Variants in CYREN observed in about 807,000 individuals in gnomAD.
The protein encoded by CYREN is cell cycle regulator of NHEJ.
A neutral mutation model predicts 9.7 loss-of-function variants in CYREN; 7 were observed. The observed-to-expected ratio is 0.72, with a 90% confidence interval of 0.41 to 1.36. The LOEUF (loss-of-function observed/expected upper bound fraction) is 1.36. Ranked by LOEUF, CYREN falls within the 40% of genes most tolerant of loss-of-function variation. The pLI is 0.01. For synonymous variants in CYREN, 76 were observed against 77.9 expected, an observed-to-expected ratio of 0.98 and a Z score of 0.13; for missense variants, 215 against 198.1, an observed-to-expected ratio of 1.09 and a Z score of -0.51.
At chr7:135,143,651 A>AT in intron 2 of CYREN, among the ~76,000 whole-genome samples, 1 of 152,248 alleles carries the variant, frequency 6.6e-6, no homozygotes, top group African/African-American at 2.4e-5. Context: ...TTAATATTGA[A>AT]TTTAAAAAAA....
chr7:135,169,072 A>C lies in CYREN; in HGVS notation c.-138-12T>G, dbSNP rs1830452148. ...TTGATCTTTGATTCCTACAAAGAACAATAAAGTCCGGTGAATTCCCATACC... is the reference window on the plus strand; with the variant it reads ...TTGATCTTTGATTCCTACAAAGAACCATAAAGTCCGGTGAATTCCCATACC... On this transcript the variant is annotated splice_polypyrimidine_tract_variant and intron_variant, in intron 1 of 3. Transcript: ENST00000393114. The C allele has an allele frequency of 1.3e-6, 1 of 755,448 alleles. No homozygotes were observed. The highest frequency in any genetic ancestry group is 2.1e-6 in the Non-Finnish European group (1 of 482,578). 46.8% of individuals were successfully genotyped at this position (755,448 alleles called of 1,614,324 possible).
chr7:135,102,750 A>C (rs1824042276), intron 2 of CYREN, among the ~76,000 whole-genome samples: 1 of 151,918 alleles, frequency 6.6e-6, no homozygotes, highest in Admixed American at 6.6e-5. Flanking sequence ...CCCTTGTCTT[A>C]CACCATAGCA....
chr7:135,104,002 T>C (rs1371852366), intron 2 of CYREN, among the ~76,000 whole-genome samples: 1 of 152,114 alleles, frequency 6.6e-6, no homozygotes, highest in Non-Finnish European at 1.5e-5. Flanking sequence ...TGTCATGGGG[T>C]TTGTACAGAT....
At chr7:135,115,652 A>T in intron 2 of CYREN, 4 of 1,404,812 alleles carry the variant, frequency 2.8e-6, no homozygotes, top group Non-Finnish European at 3.8e-6. Flanking sequence ...TATTTAACAC[A>T]TCTTTTTTAA....
At chr7:135,128,291 C>CAAAAAA (rs61217008) in intron 2 of CYREN, among the ~76,000 whole-genome samples, 4 of 58,074 alleles carry the variant, frequency 6.9e-5, no homozygotes, top group Non-Finnish European at 8.2e-5. Flanking sequence ...GACTCCATCT[C>CAAAAAA]AAAAAAAAAA....
intron 2 of CYREN, among the ~76,000 whole-genome samples, chr7:135,134,549 T>C (rs191177648): frequency 7.2e-5 from 11 of 152,136 alleles, no homozygotes; most frequent in Admixed American, 6.6e-4. Context: ...TAACTAGATA[T>C]ATAGGTAAGG....
At position 135,126,250 on chromosome 7, in the gene CYREN, A is replaced by C. The variant is rs144745207; in HGVS notation, n.357-31668T>G. On this transcript the variant is annotated intron_variant and non_coding_transcript_variant, in intron 2 of 2. Transcript: ENST00000459937. Reference sequence around the variant, plus strand: ...CACAAGCATTCCTTTACACCAACATAGATAAGCAGAGAGCCAAATCATAAA... The same window carrying C: ...CACAAGCATTCCTTTACACCAACATCGATAAGCAGAGAGCCAAATCATAAA... Among the ~76,000 whole-genome samples the C allele has an allele frequency of 4.6e-3, 707 of 152,318 alleles. 3 individuals carry two copies. The highest frequency in any genetic ancestry group is 0.016 in the African/African-American group (673 of 41,578).
chr7:135,096,231 GTGT>G (rs1370641313), intron 2 of CYREN, among the ~76,000 whole-genome samples: 7 of 152,136 alleles, frequency 4.6e-5, no homozygotes, highest in Admixed American at 2.0e-4. Context: ...CTTAATTTCA[GTGT>G]TGTGTATATT....
intron 2 of CYREN, among the ~76,000 whole-genome samples, chr7:135,105,076 T>TTG (rs983849734): frequency 6.7e-6 from 1 of 149,380 alleles, no homozygotes; most frequent in African/African-American, 2.5e-5. Flanking sequence ...TCAAGTTTTT[T>TTG]TTTTTTTTTT....
intron 2 of CYREN, 85 bp downstream of exon 2, chr7:135,168,701 T>G: frequency 6.5e-7 from 1 of 1,542,558 alleles, no homozygotes; most frequent in Non-Finnish European, 8.7e-7. Context: ...CTGTTCTGCC[T>G]AGGCTGGAAG....
chr7:135,166,696 C>A lies in CYREN; in HGVS notation c.389G>T (p.Gly130Val), dbSNP rs113063661. Residue 130 changes from glycine (G) to valine (V), a missense_variant, in exon 4 of 4, where the codon GGT becomes GTT. Coordinates refer to ENST00000393114, the MANE Select transcript of CYREN (RefSeq NM_024033.4). ...PGLSPSQRPGGSSSACSRSPE... is the reference protein window; with the variant it reads ...PGLSPSQRPGVSSSACSRSPE... ...GCTCCTGCTACAGGCAGAGCTGGAA[C>A]CCCCCGGCCTCTGGGAAGGGCTGAG... The A allele has an allele frequency of 2.2e-5, 36 of 1,612,350 alleles. 2 individuals carry two copies. The African/African-American group carries it at 3.3e-4, about 15-fold the overall frequency.
chr7:135,140,122 G>A (rs1439781097), intron 2 of CYREN, among the ~76,000 whole-genome samples: 1 of 151,848 alleles, frequency 6.6e-6, no homozygotes, highest in Non-Finnish European at 1.5e-5. Context: ...GTTTGATAAA[G>A]AATACATTGA....
intron 2 of CYREN, among the ~76,000 whole-genome samples, chr7:135,127,659 A>G (rs1399659417): frequency 2.0e-5 from 3 of 152,200 alleles, no homozygotes; most frequent in East Asian, 1.9e-4. Context: ...GCAATTACTA[A>G]TAAGTCAAGA....
At chr7:135,146,264 C>T (rs1264760632) in intron 2 of CYREN, among the ~76,000 whole-genome samples, 2 of 152,104 alleles carry the variant, frequency 1.3e-5, no homozygotes, top group Non-Finnish European at 2.9e-5. Flanking sequence ...GTTGGTGGAG[C>T]GGTCAGAACT....
intron 2 of CYREN, among the ~76,000 whole-genome samples, chr7:135,153,658 T>C (rs1244899790): frequency 6.6e-6 from 1 of 152,200 alleles, no homozygotes; most frequent in Non-Finnish European, 1.5e-5. Flanking sequence ...GATTTGCATA[T>C]GTTGAACCAT....
Position 135,165,871 on chromosome 7 carries a change from C to T in CYREN, c.*740G>A, listed in dbSNP as rs1331758243. 1.8e-5 allele frequency: 3 copies of T among 167,114 alleles called. No individual in the cohort carries two copies. In the Admixed American group the frequency reaches 2.0e-4, roughly 11 times the overall value. 10.4% of individuals were successfully genotyped at this position (167,114 alleles called of 1,614,324 possible). On this transcript the variant is annotated 3_prime_UTR_variant, in exon 4 of 4. Coordinates refer to ENST00000393114, the MANE Select transcript of CYREN (RefSeq NM_024033.4). ...TTATTCATATATTCCTGTCCAAAGC[C>T]ACACTGAAAACAGAGGCAGAGACAT...
intron 2 of CYREN, chr7:135,148,400 C>T (rs1026029375): frequency 3.9e-5 from 12 of 311,624 alleles, no homozygotes; most frequent in African/African-American, 2.7e-4. Flanking sequence ...TGTTCAGTAT[C>T]TGTGACCCTC....
chr7:135,130,041 CT>C (rs1235914618), intron 2 of CYREN, among the ~76,000 whole-genome samples: 2 of 152,166 alleles, frequency 1.3e-5, no homozygotes, highest in Admixed American at 1.3e-4. Context: ...CTTACAGACC[CT>C]TTGTCTCTGA....
intron 2 of CYREN, among the ~76,000 whole-genome samples, chr7:135,101,923 A>G (rs764087065): frequency 3.3e-5 from 5 of 152,170 alleles, no homozygotes; most frequent in Non-Finnish European, 7.3e-5. Flanking sequence ...GATAGTAAAT[A>G]AGTCTCACGA....
Sources: allele counts gnomAD v4.1 joint callset (sites outside exome capture counted in the v4.1 genomes callset), GRCh38; gene constraint gnomAD v4.1.1; transcripts MANE v1.5; gene names NCBI Gene and HGNC (gene_info 2026-07-23, HGNC 2026-07-21).